MAP7: variants seen among roughly 807,000 people sequenced by gnomAD.
MAP7 encodes microtubule associated protein 7.
MAP7 carries 52 observed loss-of-function variants against 94.8 expected under a neutral mutation model. The observed-to-expected ratio is 0.55, with a 90% CI of 0.44 to 0.69. The LOEUF is 0.69. Ranked by LOEUF, MAP7 falls within the 30% of genes least tolerant of loss-of-function variation. The probability of loss-of-function intolerance (pLI) is 0.00; values close to 1 mark genes in which losing one functional copy is unlikely to be tolerated. For missense variants in MAP7, 940 were observed against 964.6 expected (o/e 0.97, Z 0.34); for synonymous variants, 350 against 357.0 (o/e 0.98, Z 0.22).
At chr6:136,478,468 G>A (rs1811654685) in intron 1 of MAP7, among the ~76,000 whole-genome samples, 1 of 151,484 alleles carries the variant, frequency 6.6e-6, no homozygotes, top group Non-Finnish European at 1.5e-5. Flanking sequence ...AACAAAAAGA[G>A]AAACATAACT....
At chr6:136,535,455 C>T (rs1239414379) in intron 1 of MAP7, among the ~76,000 whole-genome samples, 6 of 152,102 alleles carry the variant, frequency 3.9e-5, no homozygotes, top group Admixed American at 3.9e-4. Flanking sequence ...GCCTAACACA[C>T]CAATTCTGAC....
At chr6:136,389,756 T>C (rs1780174832) in intron 3 of MAP7, among the ~76,000 whole-genome samples, 1 of 152,180 alleles carries the variant, frequency 6.6e-6, no homozygotes. Context: ...AATTCCACTC[T>C]TTGGGAACGC....
chr6:136,364,202 C>T (rs984595301), intron 10 of MAP7: 3 of 527,702 alleles, frequency 5.7e-6, no homozygotes, highest in Admixed American at 2.0e-5. Context: ...GTGAGGTGAC[C>T]GTCAAGGAGG....
At chr6:136,352,212 G>T (rs1415566239) in intron 16 of MAP7, among the ~76,000 whole-genome samples, 5 of 143,060 alleles carry the variant, frequency 3.5e-5, no homozygotes, top group Non-Finnish European at 6.0e-5. Context: ...TTTTTTAACA[G>T]GGTCCCACTC....
intron 17 of MAP7, 49 bp downstream of exon 17, chr6:136,345,807 G>A (rs750075853): frequency 3.5e-6 from 5 of 1,421,192 alleles, no homozygotes; most frequent in East Asian, 4.5e-5. Context: ...GTCCTCCTGG[G>A]TGTCAGATAT....
intron 1 of MAP7, among the ~76,000 whole-genome samples, chr6:136,536,819 C>T (rs1244452459): frequency 6.6e-6 from 1 of 152,200 alleles, no homozygotes; most frequent in East Asian, 1.9e-4. Context: ...GAACATGTTT[C>T]CAGATAGGTA....
chr6:136,478,979 C>CA (rs59319740), intron 1 of MAP7, among the ~76,000 whole-genome samples: 6,890 of 45,450 alleles, frequency 0.15, 273 homozygotes, highest in African/African-American at 0.19. Flanking sequence ...ACAGACACAT[C>CA]AAAAAAAAAA....
intron 1 of MAP7, among the ~76,000 whole-genome samples, chr6:136,523,756 AG>A (rs1398611553): frequency 6.6e-6 from 1 of 152,212 alleles, no homozygotes; most frequent in Admixed American, 6.5e-5. Flanking sequence ...AGGGATAGAA[AG>A]AAAAATGGTA....
intron 7 of MAP7, among the ~76,000 whole-genome samples, chr6:136,376,212 C>T (rs1031840583): frequency 4.6e-5 from 7 of 152,162 alleles, no homozygotes; most frequent in Non-Finnish European, 1.0e-4. Flanking sequence ...CATTCTCCTG[C>T]CTCAGCCTCC....
chr6:136,475,607 T>A (rs2128949589), intron 1 of MAP7, among the ~76,000 whole-genome samples: 1 of 152,336 alleles, frequency 6.6e-6, no homozygotes, highest in South Asian at 2.1e-4. Flanking sequence ...CAACATCATG[T>A]TCAACCTCCT....
chr6:136,366,487 A>G (rs778752220), intron 8 of MAP7, 48 bp from the exon 9 acceptor site: 1 of 1,275,066 alleles, frequency 7.8e-7, no homozygotes, highest in African/African-American at 1.5e-5. Context: ...AAGCGAGGCA[A>G]ACACACTCAC....
intron 1 of MAP7, among the ~76,000 whole-genome samples, chr6:136,519,033 G>C (rs562011172): frequency 6.6e-6 from 1 of 152,104 alleles, no homozygotes; most frequent in Non-Finnish European, 1.5e-5. Flanking sequence ...TGTTCCTCTT[G>C]TACACAGTAA....
rs1318199097 is a variant in MAP7, at chr6:136,344,182, T to G, written c.*46A>C. ...AGCAGGAAAGGAATTCCATTAATTG[T>G]AGAAATTCTCATTAAATTTCAGCTT... On this transcript the variant is annotated 3_prime_UTR_variant, in exon 18 of 18. Transcript: ENST00000354570. 4.6e-6 allele frequency: 5 copies of G among 1,089,788 alleles called. No individual in the cohort carries two copies. In the African/African-American group the frequency reaches 8.2e-5, roughly 18 times the overall value. The allele number at this position is 1,089,788 out of a possible 1,614,324, so 67.5% of individuals were successfully genotyped here.
chr6:136,537,788 A>ATTT (rs59705938), intron 1 of MAP7, among the ~76,000 whole-genome samples: 1 of 144,738 alleles, frequency 6.9e-6, no homozygotes, highest in Non-Finnish European at 1.5e-5. Context: ...GAAGTTATGA[A>ATTT]TTTTTTTTTT....
intron 1 of MAP7, among the ~76,000 whole-genome samples, chr6:136,464,228 G>A (rs1806188965): frequency 1.3e-5 from 2 of 152,126 alleles, no homozygotes. Flanking sequence ...TATTAACATT[G>A]CATGCTGACT....
chr6:136,492,301 G>A (rs1184032216), intron 1 of MAP7, among the ~76,000 whole-genome samples: 20 of 152,310 alleles, frequency 1.3e-4, no homozygotes. Flanking sequence ...TATGAACACA[G>A]TTATCTCTAA....
chr6:136,360,861 G>A (rs1562310179), intron 12 of MAP7, 63 bp from the exon 13 acceptor site: 1 of 1,580,350 alleles, frequency 6.3e-7, no homozygotes, highest in East Asian at 2.2e-5. Context: ...TCTCCCAGGG[G>A]GTGCCCAGAG....
At chr6:136,455,728 G>A (rs1367184061) in intron 1 of MAP7, among the ~76,000 whole-genome samples, 1 of 152,004 alleles carries the variant, frequency 6.6e-6, no homozygotes, top group Non-Finnish European at 1.5e-5. Flanking sequence ...CAACAAATGG[G>A]TCTGAATATG....
intron 1 of MAP7, among the ~76,000 whole-genome samples, chr6:136,511,511 A>G (rs1441775772): frequency 3.3e-5 from 5 of 152,120 alleles, no homozygotes; most frequent in Non-Finnish European, 7.3e-5. Context: ...GGCAGTGCAG[A>G]GATAGTATTA....
Sources: allele counts gnomAD v4.1 joint callset (sites outside exome capture counted in the v4.1 genomes callset), GRCh38; gene constraint gnomAD v4.1.1; transcripts MANE v1.5; gene names NCBI Gene and HGNC (gene_info 2026-07-23, HGNC 2026-07-21).